The following BABAM2 variants were observed in gnomAD, a reference collection of about 807,000 sequenced individuals.
BABAM2 encodes BRISC and BRCA1 A complex member 2.
In BABAM2, 31 loss-of-function variants were observed where a neutral mutation model predicts 54.7. The ratio of observed to expected loss-of-function variants is 0.57; its 90% CI spans 0.43 to 0.77. The LOEUF is 0.77. Among genes scored for constraint, BABAM2 ranks in the 30% least tolerant of loss-of-function variants. BABAM2 has a pLI of 0.00. For missense variants in BABAM2, 364 were observed against 455.8 expected (o/e 0.80, Z 1.83); for synonymous variants, 167 against 162.9 (o/e 1.03, Z -0.19).
intron 6 of BABAM2, among the ~76,000 whole-genome samples, chr2:28,046,614 A>G (rs1164491273): frequency 6.6e-6 from 1 of 152,212 alleles, no homozygotes; most frequent in Admixed American, 6.5e-5. Context: ...AATTAATGGT[A>G]TTCATAACTG....
chr2:28,003,429 C>CA (rs915141218), intron 4 of BABAM2, among the ~76,000 whole-genome samples: 4 of 151,952 alleles, frequency 2.6e-5, no homozygotes, highest in African/African-American at 9.7e-5. Context: ...CTTGTCACTA[C>CA]AAAAAACAAA....
intron 3 of BABAM2, among the ~76,000 whole-genome samples, chr2:27,936,967 A>T (rs1256103223): frequency 2.6e-5 from 4 of 151,456 alleles, no homozygotes; most frequent in Non-Finnish European, 4.4e-5. Context: ...CAAATAAATT[A>T]AAAAAAATAA....
At chr2:28,173,380 A>G (rs1266312090) in intron 7 of BABAM2, among the ~76,000 whole-genome samples, 2 of 152,238 alleles carry the variant, frequency 1.3e-5, no homozygotes, top group East Asian at 3.8e-4. Flanking sequence ...AGGCCTCACA[A>G]GACTTCAGCT....
chr2:27,921,168 G>A (rs569402692), intron 2 of BABAM2, among the ~76,000 whole-genome samples: 1 of 152,236 alleles, frequency 6.6e-6, no homozygotes, highest in East Asian at 1.9e-4. Context: ...TCAGTGAACA[G>A]TGTCATCATT....
intron 6 of BABAM2, among the ~76,000 whole-genome samples, chr2:28,090,873 C>G (rs1055373077): frequency 6.6e-6 from 1 of 152,126 alleles, no homozygotes; most frequent in Non-Finnish European, 1.5e-5. Flanking sequence ...CTTTCTGAAC[C>G]TGTTTTCTCA....
intron 11 of BABAM2, among the ~76,000 whole-genome samples, chr2:28,312,028 T>C (rs1572396787): frequency 6.6e-6 from 1 of 152,190 alleles, no homozygotes; most frequent in Admixed American, 6.5e-5. Flanking sequence ...ACTGTTCAGA[T>C]GTGTGTGTTA....
intron 6 of BABAM2, among the ~76,000 whole-genome samples, chr2:28,075,615 C>T (rs1050082815): frequency 2.6e-5 from 4 of 150,996 alleles, no homozygotes; most frequent in East Asian, 3.9e-4. Flanking sequence ...TTTTAGGGGC[C>T]GTCACCTGCT....
intron 6 of BABAM2, among the ~76,000 whole-genome samples, chr2:28,063,509 C>A (rs190237695): frequency 6.6e-4 from 100 of 152,306 alleles, no homozygotes; most frequent in African/African-American, 2.3e-3. Context: ...TTTACCACCT[C>A]TCAGTTCAGA....
chr2:28,203,290 A>G (rs1419730508), intron 7 of BABAM2, among the ~76,000 whole-genome samples: 2 of 152,082 alleles, frequency 1.3e-5, no homozygotes, highest in African/African-American at 4.8e-5. Context: ...TAGTTAGAAA[A>G]CTCAATTCAG....
At chr2:27,959,117 T>G (rs1670290624) in intron 3 of BABAM2, among the ~76,000 whole-genome samples, 1 of 152,208 alleles carries the variant, frequency 6.6e-6, no homozygotes. Flanking sequence ...GAGTTGCTAA[T>G]TGAGTGGCAG....
chr2:28,150,767 G>A (rs1047474928), intron 7 of BABAM2, among the ~76,000 whole-genome samples: 13 of 152,140 alleles, frequency 8.5e-5, no homozygotes, highest in Admixed American at 8.5e-4. Flanking sequence ...GGTGACCCGA[G>A]GCTGGTAAGT....
At chr2:28,110,617 C>A (rs1439667395) in intron 6 of BABAM2, among the ~76,000 whole-genome samples, 3 of 151,152 alleles carry the variant, frequency 2.0e-5, no homozygotes, top group African/African-American at 7.3e-5. Context: ...GAGCGAGACT[C>A]CATCTCAAAA....
At chr2:27,986,085 C>T (rs1261069486) in intron 3 of BABAM2, among the ~76,000 whole-genome samples, 1 of 152,030 alleles carries the variant, frequency 6.6e-6, no homozygotes, top group Non-Finnish European at 1.5e-5. Context: ...GGGCATTGAG[C>T]AGATCATATT....
chr2:27,904,939 C>G (rs1263712049), intron 2 of BABAM2, among the ~76,000 whole-genome samples: 3 of 152,160 alleles, frequency 2.0e-5, no homozygotes, highest in African/African-American at 7.2e-5. Context: ...AGCTATATGG[C>G]AGACCTAGAA....
At chr2:28,213,712 AC>A (rs1416775647) in intron 7 of BABAM2, among the ~76,000 whole-genome samples, 1 of 152,140 alleles carries the variant, frequency 6.6e-6, no homozygotes, top group African/African-American at 2.4e-5. Context: ...GAATTAAAAT[AC>A]ATTTTTGGTT....
chr2:28,300,423 A>G (rs1688018811), intron 11 of BABAM2, among the ~76,000 whole-genome samples: 4 of 152,258 alleles, frequency 2.6e-5, no homozygotes. Flanking sequence ...ATATGCAAAT[A>G]TAACAAGTAA....
intron 4 of BABAM2, among the ~76,000 whole-genome samples, chr2:28,020,804 T>C (rs1675187027): frequency 1.3e-5 from 2 of 152,114 alleles, no homozygotes; most frequent in Admixed American, 1.3e-4. Flanking sequence ...TTGTTTGCAG[T>C]TTCATGATAT....
At chr2:28,020,675 T>C (rs6719932) in intron 4 of BABAM2, among the ~76,000 whole-genome samples, 4,987 of 152,202 alleles carry the variant, frequency 0.033, 290 homozygotes, top group African/African-American at 0.11. Flanking sequence ...TGTAATTGTT[T>C]ATAAATTATA....
chr2:28,155,331 AT>A (rs1159788805), intron 7 of BABAM2, among the ~76,000 whole-genome samples: 3 of 152,240 alleles, frequency 2.0e-5, no homozygotes, highest in Non-Finnish European at 4.4e-5. Flanking sequence ...TGCCTTACAA[AT>A]AAAATGAAGA....
Sources: gnomAD v4.1 joint callset for allele counts (sites outside exome capture counted in the v4.1 genomes callset) on GRCh38, gnomAD v4.1.1 for gene constraint, MANE v1.5 for transcripts, NCBI Gene and HGNC (gene_info 2026-07-23, HGNC 2026-07-21) for gene names.